Variants in CDH12 observed in about 807,000 individuals in gnomAD.
CDH12 encodes the protein cadherin 12, also known as cadherin-12.
In CDH12, 41 loss-of-function variants were observed where a neutral mutation model predicts 74.1. That is an observed-to-expected ratio of 0.55 (90% CI 0.43 to 0.72). CDH12 has a LOEUF of 0.72. Ranked by LOEUF, CDH12 falls within the 30% of genes least tolerant of loss-of-function variation. The probability of loss-of-function intolerance (pLI) is 0.00; values close to 1 mark genes in which losing one functional copy is unlikely to be tolerated. For missense variants in CDH12, 945 were observed against 977.2 expected (o/e 0.97, Z 0.44); for synonymous variants, 399 against 355.0 (o/e 1.12, Z -1.39).
intron 2 of CDH12, among the ~76,000 whole-genome samples, chr5:22,440,741 G>C (rs920374366): frequency 1.3e-5 from 2 of 152,078 alleles, no homozygotes; most frequent in African/African-American, 4.8e-5. Flanking sequence ...CTCTGACTCT[G>C]ATCTTCTGCC....
At chr5:22,146,709 A>G (rs534995010) in intron 4 of CDH12, among the ~76,000 whole-genome samples, 1 of 152,250 alleles carries the variant, frequency 6.6e-6, no homozygotes, top group South Asian at 2.1e-4. Flanking sequence ...GTGTCCCCCT[A>G]TCAAGGCTTA....
chr5:21,751,807 C>G lies in CDH12; in HGVS notation c.2315G>C (p.Gly772Ala), dbSNP rs751446780. 1 of 1,613,890 alleles carries G rather than the reference C, an allele frequency of 6.2e-7. No homozygotes were observed. Among genetic ancestry groups the G allele is most frequent in the East Asian group, 2.2e-5 (1 of 44,868 alleles). Residue 772 changes from glycine to alanine, a missense_variant, in exon 15 of 15, where the codon GGA becomes GCA. Physicochemically the swap from Gly to Ala is moderately conservative, Grantham distance 60. This residue lies in a region of CDH12 where 791 missense variants were observed against 792.8 expected (regional missense o/e 1.00). Coordinates refer to ENST00000382254, the MANE Select transcript of CDH12 (RefSeq NM_004061.5). ...GTCTGCCAAGACTTTAAAGCGGGGTCCCCAGTCTGTCAGATAGTCATAGTC... is the reference window on the plus strand; with the variant it reads ...GTCTGCCAAGACTTTAAAGCGGGGTGCCCAGTCTGTCAGATAGTCATAGTC... The part of the protein sequence containing the change: ...DQDYDYLTDW[G>A]PRFKVLADMF...
At chr5:22,023,839 T>A (rs1432817161) in intron 5 of CDH12, among the ~76,000 whole-genome samples, 1 of 152,190 alleles carries the variant, frequency 6.6e-6, no homozygotes, top group Non-Finnish European at 1.5e-5. Context: ...CATTCTTCCT[T>A]GTAGTAACCC....
intron 8 of CDH12, among the ~76,000 whole-genome samples, chr5:21,838,209 A>G (rs2149981028): frequency 6.6e-6 from 1 of 152,308 alleles, no homozygotes. Context: ...TATTGATGTG[A>G]AAAGGAAATC....
intron 3 of CDH12, among the ~76,000 whole-genome samples, chr5:22,367,765 T>G (rs1741094866): frequency 6.6e-6 from 1 of 152,212 alleles, no homozygotes. Context: ...TATTACATAT[T>G]TGAACCCTAA....
intron 6 of CDH12, among the ~76,000 whole-genome samples, chr5:21,879,564 A>G (rs1752132769): frequency 6.6e-6 from 1 of 152,244 alleles, no homozygotes; most frequent in Non-Finnish European, 1.5e-5. Flanking sequence ...TTAAGTTATT[A>G]TTCCCTTATC....
At chr5:22,441,077 T>G (rs962920839) in intron 2 of CDH12, among the ~76,000 whole-genome samples, 4 of 152,128 alleles carry the variant, frequency 2.6e-5, no homozygotes, top group African/African-American at 9.7e-5. Flanking sequence ...GAGTACAACT[T>G]TCTATATACA....
chr5:22,177,286 C>CT (rs1749395382), intron 4 of CDH12, among the ~76,000 whole-genome samples: 1 of 152,016 alleles, frequency 6.6e-6, no homozygotes, highest in African/African-American at 2.4e-5. Flanking sequence ...AGTCGCTTTG[C>CT]TTTTTTCTCA....
intron 4 of CDH12, chr5:22,142,984 C>T (rs935679418): frequency 1.3e-5 from 3 of 225,530 alleles, no homozygotes; most frequent in African/African-American, 2.3e-5. Context: ...AGGAGAAGCC[C>T]ATAATGTTAC....
intron 4 of CDH12, among the ~76,000 whole-genome samples, chr5:22,185,148 T>G (rs1054098117): frequency 2.6e-5 from 4 of 151,988 alleles, no homozygotes; most frequent in African/African-American, 9.7e-5. Flanking sequence ...AATAAAACAT[T>G]CTTTTTGTTC....
chr5:22,116,388 G>A (rs552432707), intron 4 of CDH12, among the ~76,000 whole-genome samples: 2 of 152,174 alleles, frequency 1.3e-5, no homozygotes, highest in South Asian at 2.1e-4. Context: ...GGCGGGTCAC[G>A]AGGTCAGGAG....
chr5:22,651,580 A>G (rs1739739156), intron 1 of CDH12, among the ~76,000 whole-genome samples: 1 of 152,128 alleles, frequency 6.6e-6, no homozygotes, highest in African/African-American at 2.4e-5. Flanking sequence ...TGATCAAATT[A>G]CCACCACCTG....
intron 3 of CDH12, among the ~76,000 whole-genome samples, chr5:22,238,246 A>T (rs1185210865): frequency 2.6e-5 from 4 of 152,170 alleles, no homozygotes; most frequent in Non-Finnish European, 4.4e-5. Context: ...CAGTAGGCAA[A>T]CATTGCCATT....
intron 1 of CDH12, among the ~76,000 whole-genome samples, chr5:22,834,921 G>T (rs1736758755): frequency 6.6e-6 from 1 of 152,014 alleles, no homozygotes; most frequent in Non-Finnish European, 1.5e-5. Context: ...AAGGAGAGTA[G>T]AGAGGGAGAT....
intron 1 of CDH12, among the ~76,000 whole-genome samples, chr5:22,735,166 G>A (rs1473061380): frequency 6.6e-6 from 1 of 151,758 alleles, no homozygotes; most frequent in Non-Finnish European, 1.5e-5. Context: ...GCCACCTATC[G>A]CAACTACCTC....
chr5:22,261,577 T>G (rs1186253226), intron 3 of CDH12, among the ~76,000 whole-genome samples: 1 of 152,098 alleles, frequency 6.6e-6, no homozygotes, highest in African/African-American at 2.4e-5. Flanking sequence ...GGTCACAGTC[T>G]GAAGTAAATT....
At chr5:22,300,359 A>T (rs3099038) in intron 3 of CDH12, among the ~76,000 whole-genome samples, 150,173 of 152,304 alleles carry the variant, frequency 0.99, 74,075 homozygotes, top group East Asian at 1. Flanking sequence ...TTCTTGATAT[A>T]TTTTTAAAAA....
intron 10 of CDH12, among the ~76,000 whole-genome samples, chr5:21,788,632 G>T (rs1746327006): frequency 6.6e-6 from 1 of 151,944 alleles, no homozygotes; most frequent in Non-Finnish European, 1.5e-5. Flanking sequence ...GTATAATAAA[G>T]TTGCAAGAAT....
chr5:22,688,334 C>T (rs895612132), intron 1 of CDH12, among the ~76,000 whole-genome samples: 1 of 152,114 alleles, frequency 6.6e-6, no homozygotes, highest in Non-Finnish European at 1.5e-5. Flanking sequence ...ATGTTTAAAG[C>T]ATTTTAATAA....
Sources: gnomAD v4.1 joint callset for allele counts (sites outside exome capture counted in the v4.1 genomes callset) on GRCh38, gnomAD v4.1.1 for gene constraint, gnomAD v4.1.1 regional missense constraint, MANE v1.5 for transcripts, NCBI Gene and HGNC (gene_info 2026-07-23, HGNC 2026-07-21) for gene names.